Variants in CRY1 observed in about 807,000 individuals in gnomAD.
The protein encoded by CRY1 is cryptochrome circadian regulator 1, also known as cryptochrome-1.
CRY1 carries 45 observed loss-of-function variants against 76.0 expected under a neutral mutation model. The ratio of observed to expected loss-of-function variants is 0.59; its 90% CI spans 0.47 to 0.76. The LOEUF is 0.76. CRY1 is among the 30% of genes least tolerant of loss of function. CRY1 has a pLI of 0.00. For synonymous variants in CRY1, 248 were observed against 244.0 expected (o/e 1.02, Z -0.15); for missense variants, 587 against 716.4 (o/e 0.82, Z 2.06).
chr12:107,027,081 A>ATGTG (rs1358973746), intron 1 of CRY1, among the ~76,000 whole-genome samples: 1 of 152,172 alleles, frequency 6.6e-6, no homozygotes, highest in African/African-American at 2.4e-5. Flanking sequence ...CAACTCAGTG[A>ATGTG]TGTGTGTGAT....
At chr12:106,997,765 A>C in intron 8 of CRY1, 75 bp from the exon 9 acceptor site, 1 of 1,557,754 alleles carries the variant, frequency 6.4e-7, no homozygotes. Flanking sequence ...TGACAGACCA[A>C]AATCAAATCA....
chr12:107,007,847 T>C (rs905532588), intron 2 of CRY1, among the ~76,000 whole-genome samples: 2 of 152,194 alleles, frequency 1.3e-5, no homozygotes, highest in African/African-American at 4.8e-5. Flanking sequence ...GCACTGTTTT[T>C]TGAAAAACAT....
At chr12:107,042,531 T>A (rs1593521015) in intron 1 of CRY1, among the ~76,000 whole-genome samples, 1 of 152,050 alleles carries the variant, frequency 6.6e-6, no homozygotes, top group African/African-American at 2.4e-5. Flanking sequence ...AATCTAACTA[T>A]GAGAAAATAT....
At chr12:107,001,582 A>T (rs1837473060) in intron 4 of CRY1, among the ~76,000 whole-genome samples, 182 bp downstream of exon 4, 1 of 152,230 alleles carries the variant, frequency 6.6e-6, no homozygotes, top group South Asian at 2.1e-4. Context: ...TCACATATTT[A>T]TAAAACACAT....
Position 107,093,154 on chromosome 12 carries a change from G to A in CRY1, c.-193C>T, listed in dbSNP as rs1295378080. ...GGCGCCGGAGGCGCAGTGGAAAGATGAATGGAGGTTGCCTAGTCGGCGGAG... is the reference window on the plus strand; with the variant it reads ...GGCGCCGGAGGCGCAGTGGAAAGATAAATGGAGGTTGCCTAGTCGGCGGAG... On this transcript the variant is annotated 5_prime_UTR_variant, in exon 1 of 13. Transcript: ENST00000008527. 4.7e-6 allele frequency: 3 copies of A among 643,356 alleles called. No homozygotes were observed. The East Asian group carries it at 9.3e-5, about 20-fold the overall frequency. The allele number at this position is 643,356 out of a possible 1,614,324, so 39.9% of individuals were successfully genotyped here.
rs1953495266 is a variant in CRY1, at chr12:107,093,064, G to A, written c.-103C>T. 1.5e-6 allele frequency: 2 copies of A among 1,345,514 alleles called. No individual in the cohort carries two copies. The highest frequency in any genetic ancestry group is 1.6e-5 in the South Asian group (1 of 63,782). 83.3% of individuals were successfully genotyped at this position (1,345,514 alleles called of 1,614,324 possible). ...AAGAGAATTGCCTCACCCGGGGCGT[G>A]AGGAAAGGGCGGCAGAGGGGGAACA... On this transcript the variant is annotated 5_prime_UTR_variant, in exon 1 of 13. Transcript: ENST00000008527.
At chr12:107,002,054 A>C in intron 3 of CRY1, 106 bp from the exon 4 acceptor site, 1 of 936,824 alleles carries the variant, frequency 1.1e-6, no homozygotes, top group East Asian at 2.8e-5. Context: ...TTAATCACTG[A>C]AGTCTTTGAG....
At chr12:107,059,340 C>T (rs1008723362) in intron 1 of CRY1, among the ~76,000 whole-genome samples, 2 of 152,188 alleles carry the variant, frequency 1.3e-5, no homozygotes, top group African/African-American at 2.4e-5. Context: ...CAGCCTCAAC[C>T]TCCCTGGCTC....
chr12:107,032,091 C>T (rs1016566149), intron 1 of CRY1, among the ~76,000 whole-genome samples: 7 of 152,272 alleles, frequency 4.6e-5, no homozygotes, highest in East Asian at 1.9e-4. Context: ...TGCGCCACCA[C>T]GCCCGGCTAA....
intron 1 of CRY1, among the ~76,000 whole-genome samples, chr12:107,078,777 T>A (rs1451420434): frequency 6.6e-6 from 1 of 152,142 alleles, no homozygotes; most frequent in Non-Finnish European, 1.5e-5. Flanking sequence ...TAACTTAATG[T>A]CTAATTGTCA....
intron 1 of CRY1, among the ~76,000 whole-genome samples, chr12:107,034,164 A>G (rs1024410456): frequency 1.3e-5 from 2 of 152,088 alleles, no homozygotes; most frequent in South Asian, 2.1e-4. Context: ...ACCAAGATGG[A>G]GACGAAAGTG....
At chr12:107,035,524 C>T (rs1952724401) in intron 1 of CRY1, among the ~76,000 whole-genome samples, 2 of 152,156 alleles carry the variant, frequency 1.3e-5, no homozygotes, top group African/African-American at 2.4e-5. Flanking sequence ...TGTTTATACT[C>T]AATAACCCTT....
chr12:106,997,166 A>G (rs1952241703), intron 10 of CRY1, 128 bp downstream of exon 10: 2 of 826,720 alleles, frequency 2.4e-6, no homozygotes, highest in East Asian at 4.9e-5. Context: ...ATGCATGCAT[A>G]CAAAGAATCT....
intron 8 of CRY1, 104 bp from the exon 9 acceptor site, chr12:106,997,794 G>C (rs1466813507): frequency 2.0e-6 from 3 of 1,525,330 alleles, no homozygotes; most frequent in Non-Finnish European, 2.7e-6. Flanking sequence ...TAAATGATCT[G>C]TTTACCCTTC....
intron 1 of CRY1, among the ~76,000 whole-genome samples, chr12:107,063,378 G>A (rs1953071242): frequency 6.6e-6 from 1 of 152,172 alleles, no homozygotes; most frequent in African/African-American, 2.4e-5. Context: ...AGATAAAAAG[G>A]ACTGGAACTC....
At chr12:107,057,041 G>C (rs534507744) in intron 1 of CRY1, among the ~76,000 whole-genome samples, 1 of 151,994 alleles carries the variant, frequency 6.6e-6, no homozygotes, top group Non-Finnish European at 1.5e-5. Context: ...TGATTGTCTA[G>C]TATGTAAGAA....
chr12:107,039,863 A>C (rs1952778484), intron 1 of CRY1, among the ~76,000 whole-genome samples: 1 of 152,236 alleles, frequency 6.6e-6, no homozygotes, highest in Non-Finnish European at 1.5e-5. Context: ...TAGCACTCCC[A>C]AGTTCACTGC....
At chr12:107,036,256 T>C (rs535582744) in intron 1 of CRY1, among the ~76,000 whole-genome samples, 33 of 152,320 alleles carry the variant, frequency 2.2e-4, no homozygotes, top group African/African-American at 7.5e-4. Context: ...GAATGGTGAA[T>C]TGGATATTGG....
In CRY1 at chr12:107,015,408, T is replaced by C. The variant is rs1420131592; in HGVS notation, c.267+6676A>G. ...AGGCTGGAGTGCAGTGGCATGAATA[T>C]AGCTCACTGCAGCATTAACCTCCTG... On this transcript the variant is annotated intron_variant, in intron 2 of 12. Coordinates refer to ENST00000008527, the MANE Select transcript of CRY1 (RefSeq NM_004075.5). 2.0e-5 allele frequency among the ~76,000 whole-genome samples: 3 copies of C among 150,922 alleles called. No individual in the cohort carries two copies. In the East Asian group the frequency reaches 6.0e-4, roughly 30 times the overall value.
Sources: allele counts gnomAD v4.1 joint callset (sites outside exome capture counted in the v4.1 genomes callset), GRCh38; gene constraint gnomAD v4.1.1; transcripts MANE v1.5; gene names NCBI Gene and HGNC (gene_info 2026-07-23, HGNC 2026-07-21).